The following SEMA3A variants were observed in gnomAD, a reference collection of about 807,000 sequenced individuals.
SEMA3A encodes the protein semaphorin 3A.
Under a neutral mutation model 97.9 loss-of-function variants are expected in SEMA3A, and 29 were observed. The ratio of observed to expected loss-of-function variants is 0.30; its 90% confidence interval spans 0.22 to 0.40. The LOEUF is 0.40. SEMA3A is among the 10% of genes least tolerant of loss of function. The pLI is 1.00. For missense variants in SEMA3A, 763 were observed against 951.3 expected, an observed-to-expected ratio of 0.80 and a Z score of 2.60; for synonymous variants, 321 against 323.7, an observed-to-expected ratio of 0.99 and a Z score of 0.09.
At chr7:84,389,170 G>C (rs1803477509) in intron 1 of SEMA3A, among the ~76,000 whole-genome samples, 1 of 151,992 alleles carries the variant, frequency 6.6e-6, no homozygotes, top group South Asian at 2.1e-4. Flanking sequence ...ATGAAGAAAA[G>C]CATGGTGGGA....
intron 6 of SEMA3A, among the ~76,000 whole-genome samples, chr7:84,025,273 T>C (rs1208410930): frequency 6.6e-6 from 1 of 152,156 alleles, no homozygotes; most frequent in African/African-American, 2.4e-5. Context: ...AGCCTCAGGC[T>C]TCAAAATATT....
chr7:84,374,028 G>A (rs567748283), intron 1 of SEMA3A, among the ~76,000 whole-genome samples: 4 of 152,252 alleles, frequency 2.6e-5, no homozygotes, highest in Middle Eastern at 3.4e-3. Context: ...GAAAAAGCAT[G>A]GTCAACAAGG....
intron 2 of SEMA3A, among the ~76,000 whole-genome samples, chr7:84,329,630 T>G (rs749813367): frequency 4.5e-4 from 68 of 152,054 alleles, no homozygotes; most frequent in Non-Finnish European, 9.1e-4. Flanking sequence ...AATTAGATCA[T>G]GTGACTATTA....
chr7:84,176,561 C>CAGTTTTTTT (rs1797575298), intron 1 of SEMA3A, among the ~76,000 whole-genome samples: 1 of 152,048 alleles, frequency 6.6e-6, no homozygotes, highest in East Asian at 1.9e-4. Flanking sequence ...TTAAAAATCC[C>CAGTTTTTTT]AAGGATAATA....
chr7:84,067,942 T>C (rs1227372991), intron 4 of SEMA3A, among the ~76,000 whole-genome samples: 7 of 143,576 alleles, frequency 4.9e-5, no homozygotes, highest in Non-Finnish European at 9.0e-5. Flanking sequence ...CAAAGGACTA[T>C]AAATCATGCT....
chr7:84,396,390 A>G (rs996370717), intron 1 of SEMA3A, among the ~76,000 whole-genome samples: 3 of 151,818 alleles, frequency 2.0e-5, no homozygotes, highest in Admixed American at 6.6e-5. Flanking sequence ...TAGTAATGTA[A>G]AAAGGTAATA....
intron 12 of SEMA3A, among the ~76,000 whole-genome samples, chr7:83,991,849 A>T (rs998070357): frequency 7.0e-6 from 1 of 143,432 alleles, no homozygotes; most frequent in African/African-American, 2.7e-5. Flanking sequence ...TGAGTTAGGG[A>T]GGATTCCCTC....
At position 84,300,307 on chromosome 7, in the gene SEMA3A, G is replaced by A. The variant is rs1040644123; in HGVS notation, c.-83+6900C>T. On this transcript the variant is annotated intron_variant, in intron 3 of 3. Coordinates refer to the SEMA3A transcript ENST00000424555. ...ATACACATCTTGATATAAATACACAGAAAATTTCCCACAACTGAAGGGAAT... is the reference window on the plus strand; with the variant it reads ...ATACACATCTTGATATAAATACACAAAAAATTTCCCACAACTGAAGGGAAT... Among the ~76,000 whole-genome samples, 5 of 151,946 alleles carry A rather than the reference G, an allele frequency of 3.3e-5. 1 individual carries two copies. The highest frequency in any genetic ancestry group is 3.3e-4 in the Admixed American group (5 of 15,252).
intron 2 of SEMA3A, among the ~76,000 whole-genome samples, chr7:84,330,255 C>A (rs915454440): frequency 3.3e-5 from 5 of 151,802 alleles, no homozygotes; most frequent in Non-Finnish European, 7.4e-5. Flanking sequence ...TAAAAGTTAA[C>A]TTTAAAAAAT....
intron 2 of SEMA3A, among the ~76,000 whole-genome samples, chr7:84,370,784 A>G (rs1486504863): frequency 3.3e-5 from 5 of 151,656 alleles, no homozygotes; most frequent in Non-Finnish European, 5.9e-5. Flanking sequence ...AGGGACAAAA[A>G]TAAGGAGACA....
chr7:84,491,317 A>AT (rs544564238), intron 1 of SEMA3A, among the ~76,000 whole-genome samples: 1 of 152,272 alleles, frequency 6.6e-6, no homozygotes, highest in African/African-American at 2.4e-5. Flanking sequence ...TTCCAGACTA[A>AT]TTTTTCAAAT....
At chr7:84,096,033 A>G (rs1290423689) in intron 4 of SEMA3A, among the ~76,000 whole-genome samples, 2 of 152,078 alleles carry the variant, frequency 1.3e-5, no homozygotes, top group Non-Finnish European at 1.5e-5. Flanking sequence ...TATTTTAACA[A>G]TAATTATTGA....
chr7:84,140,959 A>C (rs1458422880), intron 1 of SEMA3A, among the ~76,000 whole-genome samples: 1 of 152,210 alleles, frequency 6.6e-6, no homozygotes, highest in Non-Finnish European at 1.5e-5. Flanking sequence ...AGAGATAAAT[A>C]AATTTGCATA....
intron 1 of SEMA3A, among the ~76,000 whole-genome samples, chr7:84,192,582 G>C (rs1291297846): frequency 1.3e-5 from 2 of 151,800 alleles, no homozygotes; most frequent in African/African-American, 2.4e-5. Flanking sequence ...TCATCAGATA[G>C]GTTTAAGGCA....
At chr7:84,050,590 T>A (rs866126980) in intron 5 of SEMA3A, among the ~76,000 whole-genome samples, 2 of 152,080 alleles carry the variant, frequency 1.3e-5, no homozygotes, top group African/African-American at 2.4e-5. Context: ...TTTGAGTTCA[T>A]TGTAGATTCT....
intron 3 of SEMA3A, among the ~76,000 whole-genome samples, chr7:84,124,697 T>C (rs3801656): frequency 0.23 from 35,348 of 152,008 alleles, 4,270 homozygotes; most frequent in African/African-American, 0.3. Context: ...CTTATGTTTA[T>C]TAAGGAAGGG....
intron 1 of SEMA3A, among the ~76,000 whole-genome samples, chr7:84,378,096 C>A (rs1803155054): frequency 6.6e-6 from 1 of 152,008 alleles, no homozygotes; most frequent in Admixed American, 6.6e-5. Context: ...TTCAATCTCA[C>A]ACAGTGGTGA....
At chr7:84,409,127 C>T (rs1391738747) in intron 1 of SEMA3A, among the ~76,000 whole-genome samples, 1 of 150,114 alleles carries the variant, frequency 6.7e-6, no homozygotes. Context: ...TATTGTTTGA[C>T]AGCACAATAG....
intron 1 of SEMA3A, among the ~76,000 whole-genome samples, chr7:84,462,587 C>G (rs1439442585): frequency 6.6e-6 from 1 of 152,092 alleles, no homozygotes; most frequent in Non-Finnish European, 1.5e-5. Context: ...TCCTCACAGT[C>G]TGGCACTCTT....
Sources: allele counts gnomAD v4.1 joint callset (sites outside exome capture counted in the v4.1 genomes callset), GRCh38; gene constraint gnomAD v4.1.1; transcripts MANE v1.5; gene names NCBI Gene and HGNC (gene_info 2026-07-23, HGNC 2026-07-21).